The following C1QTNF2 variants were observed in gnomAD, a reference collection of about 807,000 sequenced individuals.
The protein encoded by C1QTNF2 is C1q and TNF related 2.
C1QTNF2 carries 15 observed loss-of-function variants against 17.4 expected under a neutral mutation model. The observed-to-expected ratio is 0.86, with a 90% CI of 0.58 to 1.33. The LOEUF is 1.33. Ranked by LOEUF, C1QTNF2 falls within the 40% of genes most tolerant of loss-of-function variation. C1QTNF2 has a pLI of 0.00. For missense variants in C1QTNF2, 381 were observed against 392.3 expected, an observed-to-expected ratio of 0.97 and a Z score of 0.24; for synonymous variants, 154 against 163.3, an observed-to-expected ratio of 0.94 and a Z score of 0.44.
At chr5:160,370,430 G>C in intron 1 of C1QTNF2, 82 bp downstream of exon 1, 4 of 1,350,812 alleles carry the variant, frequency 3.0e-6, no homozygotes, top group Non-Finnish European at 3.8e-6. Flanking sequence ...ATCCCGCCCC[G>C]CCCGCAGCAG....
At chr5:160,353,601 T>C (rs1255557305) in intron 2 of C1QTNF2, among the ~76,000 whole-genome samples, 1 of 152,068 alleles carries the variant, frequency 6.6e-6, no homozygotes, top group South Asian at 2.1e-4. Flanking sequence ...CCAAGGAGAA[T>C]TGGCTGTTCT....
At chr5:160,354,595 AAAGT>A (rs1458476567) in intron 2 of C1QTNF2, among the ~76,000 whole-genome samples, 169 bp downstream of exon 2, 27 of 32,736 alleles carry the variant, frequency 8.2e-4, no homozygotes, top group South Asian at 2.7e-3. Context: ...AAAAAAAAAA[AAAGT>A]ATATATATAT....
intron 1 of C1QTNF2, 69 bp from the exon 2 acceptor site, chr5:160,355,089 G>A (rs1764023184): frequency 1.4e-6 from 2 of 1,457,946 alleles, no homozygotes; most frequent in Admixed American, 5.6e-5. Context: ...GGTCAGAGGG[G>A]ATGCACAGGA....
At chr5:160,351,105 T>C (rs948919462) in intron 2 of C1QTNF2, among the ~76,000 whole-genome samples, 2 of 152,232 alleles carry the variant, frequency 1.3e-5, no homozygotes, top group African/African-American at 2.4e-5. Flanking sequence ...GCTTGGCCTA[T>C]AGCAAACATT....
intron 2 of C1QTNF2, 59 bp downstream of exon 2, chr5:160,354,709 C>T (rs1487557423): frequency 6.2e-7 from 1 of 1,603,664 alleles, no homozygotes; most frequent in African/African-American, 1.4e-5. Flanking sequence ...ATGATGCCCC[C>T]CACATGCCGG....
Position 160,349,550 on chromosome 5 carries a change from C to T in C1QTNF2, c.476G>A (p.Ser159Asn). 6.2e-7 allele frequency: 1 copy of T among 1,613,070 alleles called. No homozygotes were observed. Among genetic ancestry groups the T allele is most frequent in the Non-Finnish European group, 8.5e-7 (1 of 1,179,742 alleles). Residue 159 changes from serine (S) to asparagine (N), a missense_variant, in exon 3 of 3, where the codon AGC (serine) becomes AAC (asparagine). Physicochemically the swap from Ser to Asn is conservative, Grantham distance 46 (BLOSUM62 1). Transcript: ENST00000652664. The surrounding 1 kb of genome is among the most constrained non-coding windows in gnomAD (Gnocchi z 4.3). ...GATGGGCAGCCGCTCCCGTGGGTAGCTCTTGGTCACTGCCACCGAGAAAGC... is the reference window on the plus strand; with the variant it reads ...GATGGGCAGCCGCTCCCGTGGGTAGTTCTTGGTCACTGCCACCGAGAAAGC... ...KSAFSVAVTK[S>N]YPRERLPIKF...
chr5:160,356,722 G>A (rs562753809), intron 1 of C1QTNF2, among the ~76,000 whole-genome samples: 22 of 152,304 alleles, frequency 1.4e-4, no homozygotes, highest in Admixed American at 1.2e-3. Flanking sequence ...CACAGCAGGG[G>A]CATTACTCAG....
chr5:160,349,362 T>A lies in C1QTNF2; in HGVS notation c.664A>T (p.Thr222Ser). ...LVHNGQYRIR[T>S]FDANTGNHDV... is the part of the protein sequence containing the mutation. ...TGGTTGCCGGTGTTGGCATCAAAGG[T>A]CCGGATGCGGTACTGGCCGTTGTGC... Residue 222 changes from threonine to serine, a missense_variant, in exon 3 of 3, where the codon ACC becomes TCC. By Grantham distance (58) the Thr-to-Ser change is moderately conservative (BLOSUM62 1). Transcript: ENST00000652664. This position sits in a 1 kb window ranked among gnomAD's most constrained non-coding sequence, Gnocchi z 4.3. The A allele has an allele frequency of 6.2e-7, 1 of 1,614,008 alleles. No individual in the cohort carries two copies. The highest frequency in any genetic ancestry group is 8.5e-7 in the Non-Finnish European group (1 of 1,180,006).
chr5:160,369,029 A>G (rs1249517615), intron 1 of C1QTNF2, among the ~76,000 whole-genome samples: 1 of 149,114 alleles, frequency 6.7e-6, no homozygotes, highest in African/African-American at 2.5e-5. Flanking sequence ...AAGTTGTACC[A>G]TGGAATGTAA....
At chr5:160,369,060 T>TA (rs34894197) in intron 1 of C1QTNF2, among the ~76,000 whole-genome samples, 1,589 of 146,838 alleles carry the variant, frequency 0.011, 32 homozygotes, top group African/African-American at 0.037. Flanking sequence ...TCTTTGAGTT[T>TA]AAAAAAAAAA....
At chr5:160,355,728 G>T (rs9313847) in intron 1 of C1QTNF2, among the ~76,000 whole-genome samples, 1 of 152,058 alleles carries the variant, frequency 6.6e-6, no homozygotes, top group Admixed American at 6.5e-5. Context: ...CCTGTGGGCC[G>T]CATGCACCCC....
intron 1 of C1QTNF2, among the ~76,000 whole-genome samples, chr5:160,358,328 T>C (rs1456285711): frequency 6.6e-6 from 1 of 152,142 alleles, no homozygotes; most frequent in Non-Finnish European, 1.5e-5. Context: ...ATAGCCCTGC[T>C]CCCAGCTTGT....
rs1029177868 is a variant in C1QTNF2 at position 160,349,843 on chromosome 5, T to C, written c.245-62A>G. 2 of 1,488,496 alleles carry C rather than the reference T, an allele frequency of 1.3e-6. No individual in the cohort carries two copies. Among genetic ancestry groups the C allele is most frequent in the African/African-American group, 2.8e-5 (2 of 71,466 alleles). The allele number at this position is 1,488,496 out of a possible 1,614,324, so 92.2% of individuals were successfully genotyped here. On this transcript the variant is annotated intron_variant, in intron 2 of 2. Transcript: ENST00000652664. The surrounding 1 kb of genome is among the most constrained non-coding windows in gnomAD (Gnocchi z 4.3). ...CACAGACCTAGGCAGAGGGGTGCGGTGCGGCTTGGTCTTCCAATCTTGGAG... is the reference window on the plus strand; with the variant it reads ...CACAGACCTAGGCAGAGGGGTGCGGCGCGGCTTGGTCTTCCAATCTTGGAG...
chr5:160,357,907 G>A (rs975780373), intron 1 of C1QTNF2, among the ~76,000 whole-genome samples: 1 of 152,248 alleles, frequency 6.6e-6, no homozygotes, highest in African/African-American at 2.4e-5. Context: ...GGACGAGAGA[G>A]AGGGAGAGAA....
chr5:160,359,593 A>G (rs759817980), intron 1 of C1QTNF2, among the ~76,000 whole-genome samples: 1 of 152,228 alleles, frequency 6.6e-6, no homozygotes, highest in East Asian at 1.9e-4. Flanking sequence ...AAAACGTACA[A>G]GTGATGCTTT....
In C1QTNF2 at chr5:160,354,631, T is replaced by TAGATAGATAG. The variant is rs1554127203; in HGVS notation, c.244+136_244+137insCTATCTATCT. The TAGATAGATAG allele has an allele frequency of 3.5e-4, 79 of 223,586 alleles. 1 individual carries two copies. The highest frequency in any genetic ancestry group is 2.1e-3 in the African/African-American group (66 of 31,782). The allele number at this position is 223,586 out of a possible 1,614,324, so 13.9% of individuals were successfully genotyped here. A position where few individuals can be genotyped will look rare whatever the true frequency, so the allele number is the denominator to read the frequency against. On this transcript the variant is annotated intron_variant, in intron 2 of 2. Transcript: ENST00000652664. Reference sequence around the variant, plus strand: ...ATATATATATATATATATATATATATATAGATTTATAAGTAAATAGTAATT... The same window carrying TAGATAGATAG: ...ATATATATATATATATATATATATATAGATAGATAGATAGATTTATAAGTAAATAGTAATT...
chr5:160,368,547 A>G (rs918298681), intron 1 of C1QTNF2, among the ~76,000 whole-genome samples: 9 of 151,820 alleles, frequency 5.9e-5, no homozygotes, highest in Non-Finnish European at 1.0e-4. Context: ...AAAAGAAAAA[A>G]GAAAAAAAAG....
chr5:160,369,127 C>A (rs933387085), intron 1 of C1QTNF2, among the ~76,000 whole-genome samples: 2 of 151,318 alleles, frequency 1.3e-5, no homozygotes, highest in Non-Finnish European at 2.9e-5. Flanking sequence ...AAATACTTTC[C>A]GAAAAGACAC....
At chr5:160,358,466 ATT>A (rs56714813) in intron 1 of C1QTNF2, among the ~76,000 whole-genome samples, 1 of 149,848 alleles carries the variant, frequency 6.7e-6, no homozygotes, top group South Asian at 2.1e-4. Flanking sequence ...CCTTTCTTTA[ATT>A]TTTTTTTTTC....
Sources: gnomAD v4.1 joint callset for allele counts (sites outside exome capture counted in the v4.1 genomes callset) on GRCh38, gnomAD v4.1.1 for gene constraint, Gnocchi (gnomAD v3.1) non-coding constraint, MANE v1.5 for transcripts, NCBI Gene and HGNC (gene_info 2026-07-23, HGNC 2026-07-21) for gene names.